The following CFAP263 variants were observed in gnomAD, a reference collection of about 807,000 sequenced individuals.
CFAP263 encodes cilia and flagella associated protein 263, also known as cilia- and flagella-associated protein 263.
At chr16:58,251,856 TACAC>T in the CFAP263 span, among the ~76,000 whole-genome samples, 1 of 152,202 alleles carries the variant, frequency 6.6e-6, no homozygotes, top group Admixed American at 6.5e-5. Flanking sequence ...CACACACACA[TACAC>T]ACGTATGAGA....
At chr16:58,265,387 C>G in the CFAP263 span, among the ~76,000 whole-genome samples, 1 of 152,176 alleles carries the variant, frequency 6.6e-6, no homozygotes, top group Non-Finnish European at 1.5e-5. Flanking sequence ...GGAGAAATGG[C>G]TGGAGGAGGT....
At chr16:58,258,838 G>A in the CFAP263 span, among the ~76,000 whole-genome samples, 1 of 151,920 alleles carries the variant, frequency 6.6e-6, no homozygotes, top group Non-Finnish European at 1.5e-5. Flanking sequence ...AATTAGCTGG[G>A]CGAGGTGTTT....
the CFAP263 span, chr16:58,262,648 C>T: frequency 1.0e-6 from 1 of 987,070 alleles, no homozygotes; most frequent in South Asian, 2.1e-5. Flanking sequence ...TTTGGGTGCC[C>T]CCTCGCTGTC....
chr16:58,277,604 T>G, the CFAP263 span, among the ~76,000 whole-genome samples: 1 of 139,018 alleles, frequency 7.2e-6, no homozygotes, highest in Non-Finnish European at 1.5e-5. Flanking sequence ...TTGAACAGAT[T>G]TTTGTACACC....
chr16:58,283,270 T>C, the CFAP263 span: 1 of 152,186 alleles, frequency 6.6e-6, no homozygotes. Flanking sequence ...TGAGAACATA[T>C]TTCCAAGACA....
chr16:58,277,149 T>A, the CFAP263 span, among the ~76,000 whole-genome samples: 2 of 152,102 alleles, frequency 1.3e-5, no homozygotes, highest in Admixed American at 1.3e-4. Context: ...TTTTTTTTTT[T>A]AGACAGTTTC....
chr16:58,278,621 A>C, the CFAP263 span: 1 of 1,614,078 alleles, frequency 6.2e-7, no homozygotes, highest in Non-Finnish European at 8.5e-7. Context: ...TGGGAAAGGA[A>C]AGTGGAGATA....
At chr16:58,279,674 C>A in the CFAP263 span, 1 of 1,397,210 alleles carries the variant, frequency 7.2e-7, no homozygotes, top group African/African-American at 1.5e-5. Flanking sequence ...TTCTTTTTTT[C>A]TTTTTTTTTT....
the CFAP263 span, among the ~76,000 whole-genome samples, chr16:58,262,918 G>A: frequency 1.2e-4 from 19 of 152,096 alleles, no homozygotes; most frequent in Non-Finnish European, 1.5e-5. Context: ...TTTATGCATG[G>A]CAAGTTTTGA....
At chr16:58,252,601 T>A in the CFAP263 span, 2 of 724,354 alleles carry the variant, frequency 2.8e-6, no homozygotes, top group Non-Finnish European at 4.6e-6. Context: ...AATACCCATT[T>A]TATAGGTGAG....
chr16:58,278,717 G>A, the CFAP263 span: 1 of 1,312,226 alleles, frequency 7.6e-7, no homozygotes, highest in South Asian at 1.3e-5. Context: ...TTTGGGGTAA[G>A]AATACAGATG....
the CFAP263 span, among the ~76,000 whole-genome samples, chr16:58,265,323 C>T: frequency 6.6e-6 from 1 of 152,156 alleles, no homozygotes; most frequent in Admixed American, 6.5e-5. Context: ...TCACACGAGT[C>T]CTTTGAAAGA....
the CFAP263 span, among the ~76,000 whole-genome samples, chr16:58,260,220 A>T: frequency 6.6e-6 from 1 of 152,144 alleles, no homozygotes; most frequent in Non-Finnish European, 1.5e-5. Context: ...GATCAGAGTG[A>T]TGAGCTTTCA....
At chr16:58,268,129 A>G in the CFAP263 span, among the ~76,000 whole-genome samples, 1 of 152,126 alleles carries the variant, frequency 6.6e-6, no homozygotes, top group East Asian at 1.9e-4. Context: ...GGCCTGCAGC[A>G]GAGACCGGCT....
chr16:58,250,007 G>T, the CFAP263 span: 14 of 1,572,122 alleles, frequency 8.9e-6, no homozygotes, highest in Non-Finnish European at 1.0e-5. Context: ...GGCCGCTTCG[G>T]CAGAGTGATG....
the CFAP263 span, chr16:58,280,807 T>C: frequency 6.7e-7 from 1 of 1,494,114 alleles, no homozygotes; most frequent in Non-Finnish European, 9.0e-7. Context: ...TAGTTTTTGT[T>C]GTAAATCTAT....
chr16:58,256,973 C>T, the CFAP263 span, among the ~76,000 whole-genome samples: 1 of 150,116 alleles, frequency 6.7e-6, no homozygotes, highest in African/African-American at 2.5e-5. Context: ...TTTCCATTTA[C>T]CTCCTACAGT....
the CFAP263 span, among the ~76,000 whole-genome samples, chr16:58,262,048 C>T: frequency 2.0e-5 from 3 of 152,160 alleles, no homozygotes; most frequent in Non-Finnish European, 4.4e-5. Context: ...CTTTCTTCCT[C>T]CCCTGGCCTG....
chr16:58,255,696 C>G, the CFAP263 span, among the ~76,000 whole-genome samples: 2 of 151,722 alleles, frequency 1.3e-5, no homozygotes, highest in Admixed American at 6.6e-5. Context: ...GTAGCTGGGA[C>G]TACAGGCTCC....
Sources: allele counts gnomAD v4.1 joint callset (sites outside exome capture counted in the v4.1 genomes callset), GRCh38; gene constraint gnomAD v4.1.1; transcripts MANE v1.5; gene names NCBI Gene and HGNC (gene_info 2026-07-23, HGNC 2026-07-21).